Variants in PRLR observed in about 807,000 individuals in gnomAD.
The protein encoded by PRLR is prolactin receptor.
PRLR carries 13 observed loss-of-function variants against 40.2 expected under a neutral mutation model. The ratio of observed to expected loss-of-function variants is 0.32; its 90% CI spans 0.21 to 0.51. The LOEUF (loss-of-function observed/expected upper bound fraction) is 0.51, where lower values mean the gene tolerates loss of function less well. Among genes scored for constraint, PRLR ranks in the 20% least tolerant of loss-of-function variants. PRLR has a pLI of 0.97. For missense variants in PRLR, 656 were observed against 747.3 expected, an observed-to-expected ratio of 0.88 and a Z score of 1.42; for synonymous variants, 269 against 278.7, an observed-to-expected ratio of 0.97 and a Z score of 0.35.
At position 35,064,786 on chromosome 5, in the gene PRLR, T is replaced by A. The variant is rs1769247120; in HGVS notation, c.*303A>T. ...CCCATGCCAAATCATGAAAGCCTTTTCCAGAGGATATACCTATTGGCATTG... is the reference window on the plus strand; with the variant it reads ...CCCATGCCAAATCATGAAAGCCTTTACCAGAGGATATACCTATTGGCATTG... On this transcript the variant is annotated 3_prime_UTR_variant, in exon 10 of 10. Transcript: ENST00000618457. 1 of 251,782 alleles carries A rather than the reference T, an allele frequency of 4.0e-6. No individual in the cohort carries two copies. The highest frequency in any genetic ancestry group is 1.1e-4 in the South Asian group (1 of 8,752). 15.6% of individuals were successfully genotyped at this position (251,782 alleles called of 1,614,324 possible).
chr5:35,181,702 T>C (rs1271049419), intron 1 of PRLR, among the ~76,000 whole-genome samples: 1 of 152,200 alleles, frequency 6.6e-6, no homozygotes, highest in Non-Finnish European at 1.5e-5. Flanking sequence ...TTAATGGGAA[T>C]AGATCCTCAA....
chr5:35,096,566 C>G (rs1771545486), intron 2 of PRLR, among the ~76,000 whole-genome samples: 1 of 152,152 alleles, frequency 6.6e-6, no homozygotes, highest in African/African-American at 2.4e-5. Context: ...TCAGTGGTTT[C>G]TAATCCAGGA....
intron 1 of PRLR, among the ~76,000 whole-genome samples, chr5:35,210,379 C>G (rs1211228286): frequency 2.0e-5 from 3 of 152,164 alleles, no homozygotes; most frequent in Admixed American, 6.5e-5. Flanking sequence ...ATGAATTTTG[C>G]AGAATCATTC....
At position 35,072,735 on chromosome 5, in the gene PRLR, T is replaced by G. The variant is rs1579578560; in HGVS notation, c.383A>C (p.Asp128Ala). 1 of 1,614,022 alleles carries G rather than the reference T, an allele frequency of 6.2e-7. No individual in the cohort carries two copies. The highest frequency in any genetic ancestry group is 8.5e-7 in the Non-Finnish European group (1 of 1,179,986). Residue 128 changes from aspartate to alanine, a missense_variant, in exon 6 of 10, where the codon GAC becomes GCC. By Grantham distance (126) the Asp-to-Ala change is moderately radical. This residue lies in a region of PRLR where 180 missense variants were observed against 236.8 expected (regional missense o/e 0.76). Transcript: ENST00000618457. The part of the protein sequence containing the change: ...YVDVTYIVQP[D>A]PPLELAVEVK... ...TTCCACAGCCAGCTCCAAAGGAGGG[T>G]CTGGCTGAACTGCAGAAATACAGCA...
chr5:35,062,860 GT>G lies in PRLR; in HGVS notation c.*2228del, dbSNP rs1438924419. On this transcript the variant is annotated 3_prime_UTR_variant, in exon 10 of 10. Coordinates refer to ENST00000618457, the MANE Select transcript of PRLR (RefSeq NM_000949.7). ...AATGTGAATCTTAAACTACTGATAT[GT>G]TTCTTTTTTTGCCTGCTTACATGCA... is the stretch of plus-strand genomic sequence containing the variant. The G allele has an allele frequency of 2.6e-5, 4 of 152,158 alleles. No individual in the cohort carries two copies. The highest frequency in any genetic ancestry group is 9.7e-5 in the African/African-American group (4 of 41,436). 9.4% of individuals were successfully genotyped at this position (152,158 alleles called of 1,614,324 possible).
At chr5:35,194,370 C>T (rs138706101) in intron 1 of PRLR, among the ~76,000 whole-genome samples, 391 of 152,232 alleles carry the variant, frequency 2.6e-3, no homozygotes, top group African/African-American at 8.7e-3. Context: ...GTTACAAGGC[C>T]CTGCCTTACC....
intron 1 of PRLR, among the ~76,000 whole-genome samples, chr5:35,173,784 C>T (rs1258327488): frequency 6.6e-6 from 1 of 152,138 alleles, no homozygotes; most frequent in Non-Finnish European, 1.5e-5. Flanking sequence ...TGTTTATATG[C>T]ATTCCTTTAA....
At chr5:35,129,990 G>A (rs954026068) in intron 1 of PRLR, among the ~76,000 whole-genome samples, 10 of 152,120 alleles carry the variant, frequency 6.6e-5, no homozygotes, top group Non-Finnish European at 1.3e-4. Flanking sequence ...GCTTGCTTCC[G>A]AATGCAGAGG....
chr5:35,128,934 C>T (rs990148987), intron 1 of PRLR, among the ~76,000 whole-genome samples: 1 of 152,142 alleles, frequency 6.6e-6, no homozygotes, highest in African/African-American at 2.4e-5. Context: ...CCTCCTTCCC[C>T]GTATTCCCTC....
intron 1 of PRLR, chr5:35,195,687 G>A (rs1190100924): frequency 6.6e-6 from 1 of 152,186 alleles, no homozygotes; most frequent in Non-Finnish European, 1.5e-5. Context: ...AGAATGCTGT[G>A]GCTCTACGCA....
intron 1 of PRLR, among the ~76,000 whole-genome samples, chr5:35,156,069 T>C (rs1774490047): frequency 6.6e-6 from 1 of 151,372 alleles, no homozygotes; most frequent in Admixed American, 6.6e-5. Flanking sequence ...TTTACTGCCA[T>C]GTTACCAAAG....
At chr5:35,136,963 G>C (rs1475420877) in intron 1 of PRLR, among the ~76,000 whole-genome samples, 1 of 142,198 alleles carries the variant, frequency 7.0e-6, no homozygotes, top group East Asian at 2.1e-4. Context: ...AAAAAAAAAA[G>C]CCTAGCTAAT....
In PRLR at chr5:35,086,123, G is replaced by A. The variant is rs1770834106; in HGVS notation, c.203+85C>T. 12 of 1,518,470 alleles carry A rather than the reference G, an allele frequency of 7.9e-6. No homozygotes were observed. The East Asian group carries it at 2.7e-4, about 34-fold the overall frequency. 94.1% of individuals were successfully genotyped at this position (1,518,470 alleles called of 1,614,324 possible). On this transcript the variant is annotated intron_variant, in intron 4 of 9. Transcript: ENST00000618457. The stretch of plus-strand genomic sequence containing the variant: ...CTTACTGGTGTAAATTCAGGGATGT[G>A]CTGTCACTCAGAACCAGTGTTTCTT...
At chr5:35,163,103 G>T (rs757413625) in intron 1 of PRLR, among the ~76,000 whole-genome samples, 18 of 152,102 alleles carry the variant, frequency 1.2e-4, no homozygotes, top group Non-Finnish European at 2.5e-4. Context: ...GAGGAGTCTG[G>T]CCCCTCCTCT....
At chr5:35,137,628 A>G (rs1163937449) in intron 1 of PRLR, among the ~76,000 whole-genome samples, 1 of 152,260 alleles carries the variant, frequency 6.6e-6, no homozygotes, top group Non-Finnish European at 1.5e-5. Flanking sequence ...GCATATCATG[A>G]AAGGTTATTC....
intron 1 of PRLR, among the ~76,000 whole-genome samples, chr5:35,176,840 A>C (rs530126958): frequency 6.6e-6 from 1 of 152,142 alleles, no homozygotes; most frequent in African/African-American, 2.4e-5. Flanking sequence ...GTATAAGAGG[A>C]AGGCATGCCT....
chr5:35,076,788 C>T (rs891024450), intron 5 of PRLR, among the ~76,000 whole-genome samples: 7 of 152,114 alleles, frequency 4.6e-5, no homozygotes, highest in African/African-American at 1.7e-4. Flanking sequence ...TTAAGGGCAG[C>T]CAGAGAGAAA....
At chr5:35,106,804 T>A (rs1453362707) in intron 2 of PRLR, among the ~76,000 whole-genome samples, 1 of 152,116 alleles carries the variant, frequency 6.6e-6, no homozygotes, top group Non-Finnish European at 1.5e-5. Context: ...ATTGTCAACA[T>A]TAGACAGATC....
intron 1 of PRLR, among the ~76,000 whole-genome samples, chr5:35,121,906 C>G (rs1485770901): frequency 6.6e-6 from 1 of 152,144 alleles, no homozygotes; most frequent in Non-Finnish European, 1.5e-5. Flanking sequence ...TGGTTGCCTA[C>G]TATTTGCCAA....
Sources: allele counts gnomAD v4.1 joint callset (sites outside exome capture counted in the v4.1 genomes callset), GRCh38; gene constraint gnomAD v4.1.1; regional missense constraint gnomAD v4.1.1; transcripts MANE v1.5; gene names NCBI Gene and HGNC (gene_info 2026-07-23, HGNC 2026-07-21).